Variants in POLR3E observed in about 807,000 individuals in gnomAD.
POLR3E encodes RNA polymerase III subunit E.
A neutral mutation model predicts 96.6 loss-of-function variants in POLR3E; 41 were observed. That is an observed-to-expected ratio of 0.42 (90% CI 0.33 to 0.55). POLR3E has a LOEUF of 0.55. Among genes scored for constraint, POLR3E ranks in the 20% least tolerant of loss-of-function variants. The pLI is 0.06. For missense variants in POLR3E, 849 were observed against 952.1 expected (o/e 0.89, Z 1.43); for synonymous variants, 396 against 383.6 (o/e 1.03, Z -0.38).
At chr16:22,308,022 C>T in intron 3 of POLR3E, 126 bp from the exon 4 acceptor site, 1 of 693,882 alleles carries the variant, frequency 1.4e-6, no homozygotes, top group South Asian at 1.7e-5. Flanking sequence ...AGCTTGTACC[C>T]TTGTGGTAGG....
chr16:22,322,983 G>C lies in POLR3E; in HGVS notation c.1068+52G>C, dbSNP rs759016228. 1.7e-5 allele frequency: 22 copies of C among 1,276,098 alleles called. No homozygotes were observed. The highest frequency in any genetic ancestry group is 2.4e-5 in the Non-Finnish European group (21 of 889,330). The allele number at this position is 1,276,098 out of a possible 1,614,324, so 79.0% of individuals were successfully genotyped here. A position where few individuals can be genotyped will look rare whatever the true frequency, so the allele number is the denominator to read the frequency against. ...ACGGTGGGGGCGTGGGAAGAGGGGGGCAGCGGTGCAGGGCTTCTGAAGACC... is the reference window on the plus strand; with the variant it reads ...ACGGTGGGGGCGTGGGAAGAGGGGGCCAGCGGTGCAGGGCTTCTGAAGACC... On this transcript the variant is annotated intron_variant, in intron 14 of 20. Coordinates refer to ENST00000299853, the MANE Select transcript of POLR3E (RefSeq NM_018119.4). The surrounding 1 kb of genome is among the most constrained non-coding windows in gnomAD (Gnocchi z 5.2).
chr16:22,316,505 C>A, intron 9 of POLR3E, 96 bp from the exon 10 acceptor site: 1 of 877,876 alleles, frequency 1.1e-6, no homozygotes, highest in Non-Finnish European at 1.9e-6. Context: ...GGTCCTGTGG[C>A]TGGCCATGGA....
rs748918167 is a variant in POLR3E at position 22,328,568 on chromosome 16, C to G, written c.1925C>G (p.Ser642Cys). The part of the protein sequence containing the change: ...DEQKVFALWE[S>C]GDMSDQHRQV... ...CAGAAGGTGTTTGCCCTCTGGGAGT[C>G]TGGAGACATGAGTGATCAGGTGAGG... The change falls in exon 19 of 21, where the codon TCT becomes TGT. Residue 642 changes from serine (S) to cysteine (C), a missense_variant. Ser to Cys is a moderately radical substitution (Grantham distance 112). Transcript: ENST00000299853. 3 of 1,613,888 alleles carry G rather than the reference C, an allele frequency of 1.9e-6. No individual in the cohort carries two copies. Among genetic ancestry groups the G allele is most frequent in the Admixed American group, 3.3e-5 (2 of 60,002 alleles).
chr16:22,299,500 G>C (rs1225749880), intron 1 of POLR3E, among the ~76,000 whole-genome samples: 1 of 145,304 alleles, frequency 6.9e-6, no homozygotes, highest in Admixed American at 7.3e-5. Flanking sequence ...TGCAACCTCT[G>C]CCTTCTGGGT....
intron 6 of POLR3E, among the ~76,000 whole-genome samples, chr16:22,311,090 C>T (rs113876750): frequency 0.021 from 3,201 of 152,134 alleles, 105 homozygotes; most frequent in African/African-American, 0.074. Context: ...CTCAGACTCC[C>T]GAGTAGCTGG....
Position 22,314,212 on chromosome 16 carries a change from T to G in POLR3E, c.522+84T>G, listed in dbSNP as rs890333488. 9.2e-6 allele frequency: 10 copies of G among 1,085,396 alleles called. No individual in the cohort carries two copies. The South Asian group carries it at 1.2e-4, about 12-fold the overall frequency. The allele number at this position is 1,085,396 out of a possible 1,614,324, so 67.2% of individuals were successfully genotyped here. Reference sequence around the variant, plus strand: ...CAAGGGGTAGCGGGTCTTCACAGAATGCAGGTGGAGCAGACAGGGCCCATG... The same window carrying G: ...CAAGGGGTAGCGGGTCTTCACAGAAGGCAGGTGGAGCAGACAGGGCCCATG... On this transcript the variant is annotated intron_variant, in intron 8 of 20. Coordinates refer to ENST00000299853, the MANE Select transcript of POLR3E (RefSeq NM_018119.4).
intron 20 of POLR3E, 52 bp downstream of exon 20, chr16:22,332,237 G>A (rs1381774336): frequency 1.3e-6 from 2 of 1,568,032 alleles, no homozygotes; most frequent in Admixed American, 1.8e-5. Context: ...GGAAGGGGCT[G>A]ACAGTGTGTA....
chr16:22,316,964 C>T (rs762473672), intron 10 of POLR3E, 31 bp from the exon 11 acceptor site: 26 of 1,612,724 alleles, frequency 1.6e-5, no homozygotes, highest in South Asian at 4.4e-5. Context: ...TGGATCAGCC[C>T]TGAGCCTCTG....
intron 8 of POLR3E, 98 bp from the exon 9 acceptor site, chr16:22,314,991 C>T: frequency 7.7e-7 from 1 of 1,291,402 alleles, no homozygotes; most frequent in East Asian, 2.4e-5. Context: ...GTGGAAAACC[C>T]CTATACGGAG....
intron 18 of POLR3E, 103 bp downstream of exon 18, chr16:22,326,381 T>C: frequency 1.1e-6 from 1 of 903,548 alleles, no homozygotes; most frequent in Non-Finnish European, 1.7e-6. Context: ...TTGGTGAGCA[T>C]CTGCTCTCAC....
intron 20 of POLR3E, among the ~76,000 whole-genome samples, chr16:22,332,398 T>C (rs951624107): frequency 3.3e-5 from 5 of 152,132 alleles, no homozygotes; most frequent in African/African-American, 7.2e-5. Context: ...CTTCAAACAA[T>C]ATAGTCACAG....
rs1357143785 is a variant in POLR3E at position 22,324,365 on chromosome 16, C to T, written c.1080C>T (p.Phe360=). 1 of 1,612,796 alleles carries T rather than the reference C, an allele frequency of 6.2e-7. No homozygotes were observed. The highest frequency in any genetic ancestry group is 2.2e-5 in the East Asian group (1 of 44,652). ...CRGRDFVMWK[F]TQSRWVVRKE... ...TTCTTCTCCCTCAGATGTGGAAGTT[C>T]ACGCAGAGCCGCTGGGTGGTTAGGA... The change falls in exon 15 of 21, where the codon TTC becomes TTT. Residue 360 remains phenylalanine, a synonymous_variant. Transcript: ENST00000299853.
At chr16:22,312,063 A>G (rs531975776) in intron 6 of POLR3E, among the ~76,000 whole-genome samples, 3 of 152,334 alleles carry the variant, frequency 2.0e-5, no homozygotes, top group Non-Finnish European at 2.9e-5. Flanking sequence ...AGGCAAATGT[A>G]CAGAGGCAGA....
intron 17 of POLR3E, 78 bp downstream of exon 17, chr16:22,325,344 C>A: frequency 8.6e-7 from 1 of 1,168,626 alleles, no homozygotes; most frequent in Non-Finnish European, 1.3e-6. Flanking sequence ...TAGAGCTTGT[C>A]AGGCCCGGAC....
At chr16:22,305,100 G>A (rs759703519) in intron 2 of POLR3E, 56 bp from the exon 3 acceptor site, 211 of 1,388,038 alleles carry the variant, frequency 1.5e-4, no homozygotes, top group Non-Finnish European at 2.0e-4. Context: ...GGCATAGCCC[G>A]GGGAGGTCAG....
Position 22,322,219 on chromosome 16 carries a change from CAG to C in POLR3E, c.987-628_987-627del, listed in dbSNP as rs1221293941. 6.6e-6 allele frequency among the ~76,000 whole-genome samples: 1 copy of C among 152,176 alleles called. No individual in the cohort carries two copies. The highest frequency in any genetic ancestry group is 2.4e-5 in the African/African-American group (1 of 41,442). ...GCTTGGCAGCAGAGGGAGGGACAGTCAGAGCACAGGTGCCGCAGCAGGGGCTG... is the reference window on the plus strand; with the variant it reads ...GCTTGGCAGCAGAGGGAGGGACAGTCAGCACAGGTGCCGCAGCAGGGGCTG... On this transcript the variant is annotated intron_variant, in intron 13 of 20. Transcript: ENST00000299853. The surrounding 1 kb of genome is among the most constrained non-coding windows in gnomAD (Gnocchi z 5.2).
chr16:22,333,307 C>A (rs1300952625), intron 20 of POLR3E, among the ~76,000 whole-genome samples: 7 of 151,534 alleles, frequency 4.6e-5, no homozygotes, highest in Admixed American at 4.6e-4. Context: ...ACAAAATTAG[C>A]CAGGCGTAGT....
At chr16:22,298,516 C>G (rs1433962282) in intron 1 of POLR3E, among the ~76,000 whole-genome samples, 3 of 152,174 alleles carry the variant, frequency 2.0e-5, no homozygotes, top group Admixed American at 6.5e-5. Flanking sequence ...AATACCAAAC[C>G]CAGACAACTC....
chr16:22,333,541 T>C, intron 20 of POLR3E, 103 bp from the exon 21 acceptor site: 6 of 813,126 alleles, frequency 7.4e-6, no homozygotes, highest in Non-Finnish European at 1.3e-5. Flanking sequence ...TTCCCATTTG[T>C]ATTCTATTCA....
Sources: gnomAD v4.1 joint callset for allele counts (sites outside exome capture counted in the v4.1 genomes callset) on GRCh38, gnomAD v4.1.1 for gene constraint, Gnocchi (gnomAD v3.1) non-coding constraint, MANE v1.5 for transcripts, NCBI Gene and HGNC (gene_info 2026-07-23, HGNC 2026-07-21) for gene names.